The following ST6GALNAC3 variants were observed in gnomAD, a reference collection of about 807,000 sequenced individuals.
ST6GALNAC3 encodes the protein alpha-N-acetylgalactosaminide alpha-2,6-sialyltransferase 3.
Under a neutral mutation model 32.7 loss-of-function variants are expected in ST6GALNAC3, and 25 were observed. The ratio of observed to expected loss-of-function variants is 0.76; its 90% CI spans 0.56 to 1.07. The LOEUF (loss-of-function observed/expected upper bound fraction) is 1.07. Ranked by LOEUF, ST6GALNAC3 falls within the 50% of genes least tolerant of loss-of-function variation. The pLI, the probability that ST6GALNAC3 is intolerant of heterozygous loss-of-function variation, is 0.00. For synonymous variants in ST6GALNAC3, 129 were observed against 133.1 expected, an observed-to-expected ratio of 0.97 and a Z score of 0.21; for missense variants, 355 against 382.4, an observed-to-expected ratio of 0.93 and a Z score of 0.60.
chr1:76,232,778 T>G (rs1464141556), intron 1 of ST6GALNAC3, among the ~76,000 whole-genome samples: 7 of 152,192 alleles, frequency 4.6e-5, no homozygotes, highest in African/African-American at 1.7e-4. Flanking sequence ...AATAATGAAC[T>G]CTTGACTTGA....
chr1:76,376,407 C>T (rs1651233215), intron 2 of ST6GALNAC3, among the ~76,000 whole-genome samples: 1 of 152,162 alleles, frequency 6.6e-6, no homozygotes, highest in Non-Finnish European at 1.5e-5. Context: ...AGATACAGAA[C>T]AGTTCTATCA....
chr1:76,279,507 G>A lies in ST6GALNAC3; in HGVS notation c.19-34298G>A, dbSNP rs114554990. Among the ~76,000 whole-genome samples, 806 of 152,332 alleles carry A rather than the reference G, an allele frequency of 5.3e-3. 5 individuals are homozygous for A. The highest frequency in any genetic ancestry group is 9.0e-3 in the Non-Finnish European group (611 of 68,030). On this transcript the variant is annotated intron_variant, in intron 1 of 4. Transcript: ENST00000328299. ...GAGCTTCGCGGGTGGGGGGAATGTT[G>A]TTACAGAAGAAACGGGAAAGAGGAG...
intron 1 of ST6GALNAC3, among the ~76,000 whole-genome samples, chr1:76,270,335 C>T (rs1033544084): frequency 3.3e-5 from 5 of 151,574 alleles, no homozygotes; most frequent in South Asian, 2.1e-4. Context: ...GGTGAAATCC[C>T]GACTCTGCTA....
chr1:76,361,103 T>C (rs1482638101), intron 2 of ST6GALNAC3, among the ~76,000 whole-genome samples: 1 of 152,190 alleles, frequency 6.6e-6, no homozygotes, highest in Non-Finnish European at 1.5e-5. Context: ...ATTTAGCATC[T>C]TAACCATTCT....
At chr1:76,188,461 G>A (rs879498875) in intron 1 of ST6GALNAC3, among the ~76,000 whole-genome samples, 1 of 152,272 alleles carries the variant, frequency 6.6e-6, no homozygotes, top group Non-Finnish European at 1.5e-5. Flanking sequence ...TATTGGACTG[G>A]TGATGTTTCT....
At chr1:76,523,839 C>A (rs2101799022) in intron 3 of ST6GALNAC3, among the ~76,000 whole-genome samples, 2 of 152,208 alleles carry the variant, frequency 1.3e-5, no homozygotes, top group Middle Eastern at 6.8e-3. Context: ...TTTTTGACTC[C>A]AATCCTTGTA....
chr1:76,289,300 G>A (rs1659946411), intron 1 of ST6GALNAC3, among the ~76,000 whole-genome samples: 1 of 152,182 alleles, frequency 6.6e-6, no homozygotes, highest in African/African-American at 2.4e-5. Flanking sequence ...CAGTGGTCAT[G>A]AGCATAGATG....
intron 3 of ST6GALNAC3, among the ~76,000 whole-genome samples, chr1:76,455,868 G>C (rs941829998): frequency 1.3e-5 from 2 of 152,086 alleles, no homozygotes; most frequent in African/African-American, 2.4e-5. Context: ...GTCCACCTTA[G>C]GAATTGAAAG....
At chr1:76,580,369 G>A (rs898784132) in intron 3 of ST6GALNAC3, among the ~76,000 whole-genome samples, 3 of 152,058 alleles carry the variant, frequency 2.0e-5, no homozygotes, top group Non-Finnish European at 2.9e-5. Context: ...CCTTTCACTA[G>A]GCCTACGCTT....
chr1:76,235,368 G>A (rs184962314), intron 1 of ST6GALNAC3, among the ~76,000 whole-genome samples: 5 of 152,058 alleles, frequency 3.3e-5, no homozygotes, highest in Admixed American at 2.0e-4. Context: ...TTAGCCACGC[G>A]TGGTGGTGCC....
chr1:76,083,530 C>T (rs1259889309), intron 1 of ST6GALNAC3, among the ~76,000 whole-genome samples: 2 of 152,190 alleles, frequency 1.3e-5, no homozygotes, highest in African/African-American at 4.8e-5. Context: ...GAGTCCCATC[C>T]TGGCTTTGTG....
chr1:76,256,244 TTC>T (rs976705967), intron 1 of ST6GALNAC3, among the ~76,000 whole-genome samples: 2 of 152,156 alleles, frequency 1.3e-5, no homozygotes, highest in African/African-American at 4.8e-5. Context: ...ATGGTCTTCC[TTC>T]TCTCTCTCCA....
chr1:76,538,171 A>G (rs563748369), intron 3 of ST6GALNAC3, among the ~76,000 whole-genome samples: 39 of 152,328 alleles, frequency 2.6e-4, no homozygotes, highest in Non-Finnish European at 5.1e-4. Context: ...TTTATCTGCT[A>G]TGATCAAGTC....
At chr1:76,208,307 G>A (rs1287503930) in intron 1 of ST6GALNAC3, among the ~76,000 whole-genome samples, 1 of 152,248 alleles carries the variant, frequency 6.6e-6, no homozygotes, top group Non-Finnish European at 1.5e-5. Context: ...CAGTATGAAA[G>A]TGCTTTGCAA....
At chr1:76,514,916 C>A (rs957777071) in intron 3 of ST6GALNAC3, among the ~76,000 whole-genome samples, 1 of 152,046 alleles carries the variant, frequency 6.6e-6, no homozygotes, top group African/African-American at 2.4e-5. Flanking sequence ...ATTCTGTTTG[C>A]TAGTTTCATG....
At chr1:76,366,249 C>G (rs1231321847) in intron 2 of ST6GALNAC3, among the ~76,000 whole-genome samples, 1 of 152,172 alleles carries the variant, frequency 6.6e-6, no homozygotes, top group Non-Finnish European at 1.5e-5. Flanking sequence ...GTTAGCAACT[C>G]TGAATTCAAG....
At chr1:76,260,939 G>A (rs1055381761) in intron 1 of ST6GALNAC3, among the ~76,000 whole-genome samples, 18 of 147,780 alleles carry the variant, frequency 1.2e-4, no homozygotes, top group Non-Finnish European at 1.6e-4. Flanking sequence ...AGTAAAAATT[G>A]TATATATTTA....
chr1:76,442,440 T>A (rs1390897713), intron 3 of ST6GALNAC3, among the ~76,000 whole-genome samples: 1 of 152,232 alleles, frequency 6.6e-6, no homozygotes, highest in Non-Finnish European at 1.5e-5. Flanking sequence ...TCTGCATCAC[T>A]GTTGGCTTTC....
chr1:76,482,177 A>T (rs1659767824), intron 3 of ST6GALNAC3, among the ~76,000 whole-genome samples: 1 of 147,980 alleles, frequency 6.8e-6, no homozygotes, highest in Admixed American at 6.9e-5. Flanking sequence ...CATGCACTTC[A>T]TCTTAGCAGT....
Sources: allele counts gnomAD v4.1 joint callset (sites outside exome capture counted in the v4.1 genomes callset), GRCh38; gene constraint gnomAD v4.1.1; transcripts MANE v1.5; gene names NCBI Gene and HGNC (gene_info 2026-07-23, HGNC 2026-07-21).